The following CDC42SE2 variants were observed in gnomAD, a reference collection of about 807,000 sequenced individuals.
The protein encoded by CDC42SE2 is CDC42 small effector protein 2.
CDC42SE2 carries 3 observed loss-of-function variants against 11.5 expected under a neutral mutation model. That is an observed-to-expected ratio of 0.26 (90% CI 0.12 to 0.67). The LOEUF (loss-of-function observed/expected upper bound fraction) is 0.67. Ranked by LOEUF, CDC42SE2 falls within the 30% of genes least tolerant of loss-of-function variation. The probability of loss-of-function intolerance (pLI) is 0.80; values close to 1 mark genes in which losing one functional copy is unlikely to be tolerated. For missense variants in CDC42SE2, 82 were observed against 106.8 expected (o/e 0.77, Z 1.02); for synonymous variants, 33 against 34.8 (o/e 0.95, Z 0.18).
chr5:131,319,908 G>GA (rs1758124941), intron 2 of CDC42SE2, among the ~76,000 whole-genome samples: 1 of 151,682 alleles, frequency 6.6e-6, no homozygotes, highest in Admixed American at 6.6e-5. Flanking sequence ...AAAATTAGCT[G>GA]GGCGTGGTGG....
At chr5:131,252,981 C>T (rs1159362295) in intron 1 of CDC42SE2, 1 of 152,212 alleles carries the variant, frequency 6.6e-6, no homozygotes, top group African/African-American at 2.4e-5. Flanking sequence ...ACTTCCTCTT[C>T]GCACAAGGGT....
At chr5:131,282,539 AC>A (rs1324621316) in intron 1 of CDC42SE2, among the ~76,000 whole-genome samples, 1 of 152,068 alleles carries the variant, frequency 6.6e-6, no homozygotes, top group Non-Finnish European at 1.5e-5. Flanking sequence ...TAAGGAAGTA[AC>A]CTTTTTTTTT....
At chr5:131,339,333 A>C (rs773398705) in intron 2 of CDC42SE2, among the ~76,000 whole-genome samples, 36 of 151,826 alleles carry the variant, frequency 2.4e-4, no homozygotes, top group Non-Finnish European at 4.6e-4. Flanking sequence ...CTATGGTAAG[A>C]TAATGATAAG....
chr5:131,274,167 G>A (rs910266459), intron 1 of CDC42SE2, among the ~76,000 whole-genome samples: 2 of 152,100 alleles, frequency 1.3e-5, no homozygotes, highest in East Asian at 3.9e-4. Context: ...GCATTTTTAA[G>A]TAGATTTCTA....
At chr5:131,217,707 G>GA in the CDC42SE2 span, among the ~76,000 whole-genome samples, 249 of 152,240 alleles carry the variant, frequency 1.6e-3, no homozygotes, top group African/African-American at 5.6e-3. Flanking sequence ...AACTATAAGG[G>GA]AAAAAATTGA....
intron 1 of CDC42SE2, among the ~76,000 whole-genome samples, chr5:131,277,038 C>T (rs765601238): frequency 6.6e-6 from 1 of 152,134 alleles, no homozygotes; most frequent in Non-Finnish European, 1.5e-5. Context: ...CCGCACTTGG[C>T]GACCATTATA....
chr5:131,331,791 G>C (rs1414952555), intron 2 of CDC42SE2, among the ~76,000 whole-genome samples: 1 of 152,078 alleles, frequency 6.6e-6, no homozygotes, highest in Non-Finnish European at 1.5e-5. Flanking sequence ...AGTATTTTCT[G>C]TTTATGAAAT....
At chr5:131,277,445 A>G (rs1376687919) in intron 1 of CDC42SE2, among the ~76,000 whole-genome samples, 1 of 152,236 alleles carries the variant, frequency 6.6e-6, no homozygotes, top group Non-Finnish European at 1.5e-5. Flanking sequence ...TTATGCCTTC[A>G]TTTATTCCAT....
At chr5:131,295,132 A>AG in intron 1 of CDC42SE2, among the ~76,000 whole-genome samples, 1 of 151,842 alleles carries the variant, frequency 6.6e-6, no homozygotes, top group Non-Finnish European at 1.5e-5. Flanking sequence ...GTCTCAAAAA[A>AG]AAAAAATAGG....
chr5:131,273,634 G>A (rs181279873), intron 1 of CDC42SE2, among the ~76,000 whole-genome samples: 8 of 151,516 alleles, frequency 5.3e-5, no homozygotes, highest in South Asian at 2.1e-4. Context: ...TTAGCCAGGC[G>A]TGGCGGCTGG....
At chr5:131,226,852 G>C in the CDC42SE2 span, among the ~76,000 whole-genome samples, 1 of 152,234 alleles carries the variant, frequency 6.6e-6, no homozygotes, top group Admixed American at 6.5e-5. Context: ...ATAGTAGAAA[G>C]GCCAAATGAA....
At chr5:131,366,386 G>A (rs771316889) in intron 3 of CDC42SE2, among the ~76,000 whole-genome samples, 6 of 152,110 alleles carry the variant, frequency 3.9e-5, no homozygotes, top group African/African-American at 9.7e-5. Flanking sequence ...CATAGCATTC[G>A]GCGTGAGTTC....
intron 1 of CDC42SE2, among the ~76,000 whole-genome samples, chr5:131,250,445 A>G (rs928270561): frequency 1.3e-5 from 2 of 152,250 alleles, no homozygotes; most frequent in Non-Finnish European, 2.9e-5. Context: ...GGAAACTTAA[A>G]TACATATTGC....
intron 1 of CDC42SE2, among the ~76,000 whole-genome samples, chr5:131,251,019 G>A (rs1358019511): frequency 6.6e-6 from 1 of 152,148 alleles, no homozygotes; most frequent in Non-Finnish European, 1.5e-5. Flanking sequence ...TTTCCACTCT[G>A]TCAACCTAAA....
chr5:131,338,792 C>T (rs997824126), intron 2 of CDC42SE2, among the ~76,000 whole-genome samples: 1 of 152,078 alleles, frequency 6.6e-6, no homozygotes, highest in Non-Finnish European at 1.5e-5. Context: ...ACCATACTGC[C>T]GATCCAAATA....
Position 131,267,262 on chromosome 5 carries a change from C to T in CDC42SE2, c.-455+3096C>T, listed in dbSNP as rs548372627. 1.6e-3 allele frequency among the ~76,000 whole-genome samples: 238 copies of T among 152,012 alleles called. 5 individuals are homozygous for T. The highest frequency in any genetic ancestry group is 3.4e-3 in the Middle Eastern group (1 of 294). On this transcript the variant is annotated intron_variant, in intron 1 of 4. Coordinates refer to ENST00000505065, the MANE Select transcript of CDC42SE2 (RefSeq NM_001375635.1). ...TAGAGACAGGGTTTCACCGTGTTGGCCATCCATGATGGTCTCGGTCTCTTG... is the reference window on the plus strand; with the variant it reads ...TAGAGACAGGGTTTCACCGTGTTGGTCATCCATGATGGTCTCGGTCTCTTG...
At chr5:131,386,473 C>T (rs1312910111) in intron 4 of CDC42SE2, among the ~76,000 whole-genome samples, 1 of 152,230 alleles carries the variant, frequency 6.6e-6, no homozygotes, top group Non-Finnish European at 1.5e-5. Context: ...TTTCACATAT[C>T]CCTTTAGGGC....
At chr5:131,235,418 T>C in the CDC42SE2 span, among the ~76,000 whole-genome samples, 1 of 150,898 alleles carries the variant, frequency 6.6e-6, no homozygotes, top group East Asian at 2.0e-4. Flanking sequence ...GCCTCCCGAG[T>C]AGCTGAGACT....
intron 2 of CDC42SE2, among the ~76,000 whole-genome samples, chr5:131,320,054 GAAAAAAAAAAAAAAA>G (rs763857152): frequency 1.6e-5 from 1 of 62,764 alleles, no homozygotes; most frequent in Non-Finnish European, 3.4e-5. Flanking sequence ...CCGTCTTAAA[GAAAAAAAAAAAAAAA>G]AAAAAAAAAA....
Sources: gnomAD v4.1 joint callset for allele counts (sites outside exome capture counted in the v4.1 genomes callset) on GRCh38, gnomAD v4.1.1 for gene constraint, MANE v1.5 for transcripts, NCBI Gene and HGNC (gene_info 2026-07-23, HGNC 2026-07-21) for gene names.